Variants in RORC observed in about 807,000 individuals in gnomAD.
RORC encodes nuclear receptor ROR-gamma.
RORC carries 13 observed loss-of-function variants against 64.5 expected under a neutral mutation model. The observed-to-expected ratio is 0.20, with a 90% CI of 0.13 to 0.32. RORC has a LOEUF of 0.32. RORC is among the 10% of genes least tolerant of loss of function. The pLI, the probability that RORC is intolerant of heterozygous loss-of-function variation, is 1.00. For missense variants in RORC, 468 were observed against 669.5 expected (o/e 0.70, Z 3.32); for synonymous variants, 277 against 259.3 (o/e 1.07, Z -0.65).
Position 151,831,756 on chromosome 1 carries a change from C to A in RORC, c.9G>T (p.Arg3Ser). MD[R>S]APQRQHRASR... Reference sequence around the variant, plus strand: ...AGGCTCGGTGCTGTCTCTGTGGGGCCCTGTCCATGGGGCAGCTCCCTTGGT... The same window carrying A: ...AGGCTCGGTGCTGTCTCTGTGGGGCACTGTCCATGGGGCAGCTCCCTTGGT... The change falls in exon 1 of 11, where the codon AGG becomes AGT. Residue 3 changes from arginine (R) to serine (S), a missense_variant. By Grantham distance (110) the Arg-to-Ser change is moderately radical (BLOSUM62 -1). This residue lies in a region of RORC where 21 missense variants were observed against 20.6 expected (regional missense o/e 1.02). Transcript: ENST00000318247. The A allele has an allele frequency of 6.2e-7, 1 of 1,609,760 alleles. No homozygotes were observed.
intron 4 of RORC, 67 bp from the exon 5 acceptor site, chr1:151,815,492 G>A (rs1651723463): frequency 2.0e-6 from 3 of 1,490,140 alleles, no homozygotes; most frequent in Non-Finnish European, 2.7e-6. Flanking sequence ...GGGTCAGGAG[G>A]CATTTGGTCA....
Position 151,816,807 on chromosome 1 carries a change from TG to T in RORC, c.157-3del. 1.3e-6 allele frequency: 2 copies of T among 1,529,056 alleles called. No homozygotes were observed. The highest frequency in any genetic ancestry group is 8.8e-7 in the Non-Finnish European group (1 of 1,132,588). 94.7% of individuals were successfully genotyped at this position (1,529,056 alleles called of 1,614,324 possible). A position where few individuals can be genotyped will look rare whatever the true frequency, so the allele number is the denominator to read the frequency against. On this transcript the variant is annotated splice_polypyrimidine_tract_variant and splice_region_variant and intron_variant, in intron 3 of 10. Coordinates refer to ENST00000318247, the MANE Select transcript of RORC (RefSeq NM_005060.4). ...GCGCTGGCTCCGGCGGAAGAAGCCCTGGGGAAAGCAGGTGGAGGGCAAGACT... is the reference window on the plus strand; with the variant it reads ...GCGCTGGCTCCGGCGGAAGAAGCCCTGGGAAAGCAGGTGGAGGGCAAGACT...
chr1:151,825,906 C>G, intron 2 of RORC: 2 of 1,613,622 alleles, frequency 1.2e-6, no homozygotes, highest in Non-Finnish European at 8.5e-7. Flanking sequence ...GCTCCCCCGC[C>G]CCCAGGTGGC....
chr1:151,811,212 A>T (rs939595), intron 10 of RORC, 113 bp downstream of exon 10: 10 of 600,390 alleles, frequency 1.7e-5, no homozygotes, highest in East Asian at 2.7e-5. Flanking sequence ...TCTAACAGAG[A>T]GTGGTACTCC....
rs1258003935 is a variant in RORC at position 151,815,117 on chromosome 1, C to G, written c.607G>C (p.Glu203Gln). The G allele has an allele frequency of 1.2e-6, 2 of 1,614,076 alleles. No homozygotes were observed. Among genetic ancestry groups the G allele is most frequent in the Admixed American group, 3.3e-5 (2 of 59,996 alleles). Reference protein sequence around the residue: ...AGLNGASCHLEYSPERGKAEG... With the variant: ...AGLNGASCHLQYSPERGKAEG... ...GCCTTGCCCCGCTCAGGGCTGTATTCAAGGTGGCATGAGGCCCCATTGAGC... is the reference window on the plus strand; with the variant it reads ...GCCTTGCCCCGCTCAGGGCTGTATTGAAGGTGGCATGAGGCCCCATTGAGC... The change falls in exon 5 of 11, where the codon GAA becomes CAA. Residue 203 changes from glutamate to glutamine, a missense_variant. Around this residue, in one of 5 missense-constraint regions of RORC, gnomAD observed 241 missense variants for 295.5 expected, o/e 0.82. Transcript: ENST00000318247.
At chr1:151,817,933 G>A (rs1385988945) in intron 2 of RORC, among the ~76,000 whole-genome samples, 1 of 152,240 alleles carries the variant, frequency 6.6e-6, no homozygotes, top group East Asian at 1.9e-4. Flanking sequence ...TTAGGCTCTT[G>A]GCCCCAGAGC....
At chr1:151,826,055 T>A in intron 2 of RORC, 1 of 1,577,184 alleles carries the variant, frequency 6.3e-7, no homozygotes, top group South Asian at 1.1e-5. Context: ...CGCCTCAGCC[T>A]GAAGCTCTGC....
chr1:151,811,558 G>A (rs1651533888), intron 9 of RORC, 124 bp from the exon 10 acceptor site: 1 of 566,026 alleles, frequency 1.8e-6, no homozygotes, highest in Non-Finnish European at 3.2e-6. Context: ...GCGCGTGCAT[G>A]TGTGTGCCTT....
intron 2 of RORC, chr1:151,825,786 C>G: frequency 1.1e-6 from 1 of 877,594 alleles, no homozygotes. Context: ...CTGCTCCACC[C>G]ATCTCCCAAC....
In RORC at chr1:151,830,844, T is replaced by G; in HGVS notation, c.40+881A>C. 1.4e-6 allele frequency: 1 copy of G among 710,738 alleles called. No individual in the cohort carries two copies. Among genetic ancestry groups the G allele is most frequent in the South Asian group, 2.3e-5 (1 of 43,790 alleles). 44.0% of individuals were successfully genotyped at this position (710,738 alleles called of 1,614,324 possible). ...TTGCTCCTGCCTGGCCCCACCCAGC[T>G]TCCTCCCTGACGTGGCACCGGCTCC... On this transcript the variant is annotated intron_variant, in intron 1 of 10. Coordinates refer to ENST00000318247, the MANE Select transcript of RORC (RefSeq NM_005060.4). This position sits in a 1 kb window ranked among gnomAD's most constrained non-coding sequence, Gnocchi z 4.0.
At chr1:151,813,887 G>A in intron 6 of RORC, 1 of 453,994 alleles carries the variant, frequency 2.2e-6, no homozygotes, top group Non-Finnish European at 4.0e-6. Context: ...CCTCCAACAA[G>A]GTATATCTCG....
chr1:151,830,869 C>T lies in RORC; in HGVS notation c.40+856G>A. ...TTCCTCCCTGACGTGGCACCGGCTC[C>T]TGGCCTCTAGCCTTGCACCTCAGAG... On this transcript the variant is annotated intron_variant, in intron 1 of 10. Transcript: ENST00000318247. This position sits in a 1 kb window ranked among gnomAD's most constrained non-coding sequence, Gnocchi z 4.0. The T allele has an allele frequency of 8.5e-7, 1 of 1,170,730 alleles. No homozygotes were observed. Among genetic ancestry groups the T allele is most frequent in the Non-Finnish European group, 1.1e-6 (1 of 902,306 alleles). The allele number at this position is 1,170,730 out of a possible 1,614,324, so 72.5% of individuals were successfully genotyped here.
At chr1:151,825,179 C>T (rs144457442) in intron 2 of RORC, among the ~76,000 whole-genome samples, 97 of 152,288 alleles carry the variant, frequency 6.4e-4, no homozygotes, top group Non-Finnish European at 1.0e-3. Context: ...AGGGTGAGGC[C>T]GAGGTCTTTC....
chr1:151,816,938 A>G, intron 3 of RORC, 133 bp from the exon 4 acceptor site: 1 of 1,011,890 alleles, frequency 9.9e-7, no homozygotes, highest in Non-Finnish European at 1.4e-6. Context: ...TCCTCCATCT[A>G]TTTGTGTAAT....
intron 9 of RORC, 66 bp from the exon 10 acceptor site, chr1:151,811,500 G>C: frequency 1.0e-6 from 1 of 997,798 alleles, no homozygotes; most frequent in Non-Finnish European, 1.6e-6. Flanking sequence ...CCAACAAAAG[G>C]GTGTATCTTT....
chr1:151,816,019 G>A (rs78703675), intron 4 of RORC, among the ~76,000 whole-genome samples: 15,526 of 152,084 alleles, frequency 0.1, 1,055 homozygotes, highest in Middle Eastern at 0.24. Flanking sequence ...GCACCCCTGC[G>A]TGCTTCCTTT....
chr1:151,823,107 A>C (rs929694821), intron 2 of RORC, among the ~76,000 whole-genome samples: 1 of 152,132 alleles, frequency 6.6e-6, no homozygotes. Flanking sequence ...AGACGGGGAA[A>C]GAGAAGGGTG....
chr1:151,813,131 T>C, intron 8 of RORC, 74 bp from the exon 9 acceptor site: 1 of 1,463,648 alleles, frequency 6.8e-7, no homozygotes, highest in South Asian at 1.1e-5. Flanking sequence ...CCTTATTGTG[T>C]TTAGAGCAGA....
chr1:151,811,504 T>G, intron 9 of RORC, 70 bp from the exon 10 acceptor site: 1 of 948,930 alleles, frequency 1.1e-6, no homozygotes, highest in Non-Finnish European at 1.7e-6. Context: ...CAAAAGGGTG[T>G]ATCTTTGTGG....
Sources: allele counts gnomAD v4.1 joint callset (sites outside exome capture counted in the v4.1 genomes callset), GRCh38; gene constraint gnomAD v4.1.1; regional missense constraint gnomAD v4.1.1; non-coding constraint Gnocchi (gnomAD v3.1); transcripts MANE v1.5; gene names NCBI Gene and HGNC (gene_info 2026-07-23, HGNC 2026-07-21).